The following KCTD9 variants were observed in gnomAD, a reference collection of about 807,000 sequenced individuals.
KCTD9 encodes BTB/POZ domain-containing protein KCTD9.
In KCTD9, 17 loss-of-function variants were observed where a neutral mutation model predicts 53.3. The observed-to-expected ratio is 0.32, with a 90% CI of 0.22 to 0.48. The LOEUF is 0.48. Ranked by LOEUF, KCTD9 falls within the 20% of genes least tolerant of loss-of-function variation. The pLI is 0.99. For missense variants in KCTD9, 179 were observed against 465.5 expected (o/e 0.38, Z 5.66); for synonymous variants, 128 against 162.7 (o/e 0.79, Z 1.62).
chr8:25,452,858 T>C (rs1802353558), intron 1 of KCTD9, among the ~76,000 whole-genome samples: 1 of 152,184 alleles, frequency 6.6e-6, no homozygotes, highest in South Asian at 2.1e-4. Flanking sequence ...TGGAAGAGAA[T>C]TATATTGAAC....
At chr8:25,432,409 C>T in intron 11 of KCTD9, 95 bp downstream of exon 11, 1 of 1,085,858 alleles carries the variant, frequency 9.2e-7, no homozygotes, top group South Asian at 1.4e-5. Flanking sequence ...TCCAGTTTTA[C>T]CAGCCAACTA....
intron 11 of KCTD9, among the ~76,000 whole-genome samples, chr8:25,431,996 A>G (rs1801939686): frequency 1.3e-5 from 2 of 152,242 alleles, no homozygotes; most frequent in Admixed American, 1.3e-4. Context: ...ACAGATATAG[A>G]ACATGTCCCT....
At chr8:25,446,017 C>G (rs1802208361) in intron 2 of KCTD9, 112 bp downstream of exon 2, 1 of 1,390,852 alleles carries the variant, frequency 7.2e-7, no homozygotes, top group Non-Finnish European at 9.7e-7. Flanking sequence ...TAGGTAAACA[C>G]TTGCCAAAAT....
At chr8:25,457,262 AT>A in intron 1 of KCTD9, 11 of 588,624 alleles carry the variant, frequency 1.9e-5, no homozygotes, top group Non-Finnish European at 2.4e-5. Context: ...GCAGCAGAGT[AT>A]TTTGGCAACC....
At chr8:25,443,313 A>G (rs1252384087) in intron 3 of KCTD9, among the ~76,000 whole-genome samples, 1 of 152,182 alleles carries the variant, frequency 6.6e-6, no homozygotes, top group Non-Finnish European at 1.5e-5. Context: ...GATGAACACC[A>G]GTTATTCCAG....
At chr8:25,444,112 G>A (rs564285367) in intron 3 of KCTD9, among the ~76,000 whole-genome samples, 180 bp downstream of exon 3, 1 of 151,956 alleles carries the variant, frequency 6.6e-6, no homozygotes, top group Non-Finnish European at 1.5e-5. Flanking sequence ...AATAAACTAC[G>A]ATCATATAGT....
At chr8:25,437,594 C>T (rs536804784) in intron 6 of KCTD9, among the ~76,000 whole-genome samples, 55 of 152,102 alleles carry the variant, frequency 3.6e-4, no homozygotes, top group African/African-American at 1.2e-3. Context: ...AGGAGAATGG[C>T]GTGAATCCAG....
chr8:25,458,339 C>G lies in KCTD9; in HGVS notation c.-93G>C. 1 of 1,445,330 alleles carries G rather than the reference C, an allele frequency of 6.9e-7. No homozygotes were observed. Among genetic ancestry groups the G allele is most frequent in the Non-Finnish European group, 9.6e-7 (1 of 1,038,804 alleles). The allele number at this position is 1,445,330 out of a possible 1,614,324, so 89.5% of individuals were successfully genotyped here. A position where few individuals can be genotyped will look rare whatever the true frequency, so the allele number is the denominator to read the frequency against. On this transcript the variant is annotated 5_prime_UTR_variant, in exon 1 of 12. Coordinates refer to ENST00000221200, the MANE Select transcript of KCTD9 (RefSeq NM_017634.4). ...TCCTCCCGCCCTTCCCCTCCCTCCA[C>G]CCACTCGGATTCGCCTCCCTTCGCC...
intron 9 of KCTD9, 123 bp downstream of exon 9, chr8:25,435,240 A>C (rs1801996355): frequency 1.6e-6 from 1 of 607,874 alleles, no homozygotes; most frequent in Non-Finnish European, 2.6e-6. Context: ...AACATAATAA[A>C]TTATCTGTTT....
chr8:25,445,998 A>G lies in KCTD9; in HGVS notation c.170+131T>C, dbSNP rs993556500. ...AGCCCAAATGATTTAAATTCCAAAG[A>G]GCAAATTCTAGGTAAACACTTGCCA... is the stretch of plus-strand genomic sequence containing the variant. On this transcript the variant is annotated intron_variant, in intron 2 of 11. Coordinates refer to ENST00000221200, the MANE Select transcript of KCTD9 (RefSeq NM_017634.4). 5 of 1,162,446 alleles carry G rather than the reference A, an allele frequency of 4.3e-6. No individual in the cohort carries two copies. The African/African-American group carries it at 6.2e-5, about 15-fold the overall frequency. The allele number at this position is 1,162,446 out of a possible 1,614,324, so 72.0% of individuals were successfully genotyped here.
At chr8:25,457,248 G>A in intron 1 of KCTD9, 1 of 407,428 alleles carries the variant, frequency 2.5e-6, no homozygotes, top group Non-Finnish European at 3.3e-6. Context: ...CCCCGAATGT[G>A]CAGGCAGCAG....
At chr8:25,445,206 T>A (rs994469346) in intron 2 of KCTD9, among the ~76,000 whole-genome samples, 2 of 152,160 alleles carry the variant, frequency 1.3e-5, no homozygotes, top group Non-Finnish European at 2.9e-5. Flanking sequence ...CCATGCCAGT[T>A]TACTTTTTCA....
intron 1 of KCTD9, among the ~76,000 whole-genome samples, chr8:25,454,563 A>C (rs551453137): frequency 7.2e-5 from 11 of 152,382 alleles, no homozygotes; most frequent in Non-Finnish European, 1.6e-4. Context: ...TATTAAAAAG[A>C]ATAACGAAAA....
At chr8:25,449,315 G>T (rs117905169) in intron 1 of KCTD9, among the ~76,000 whole-genome samples, 1 of 152,234 alleles carries the variant, frequency 6.6e-6, no homozygotes, top group East Asian at 1.9e-4. Context: ...ATTTACCTCT[G>T]GCTCTTACAT....
intron 1 of KCTD9, chr8:25,450,482 C>T (rs931297706): frequency 2.0e-6 from 2 of 978,286 alleles, no homozygotes; most frequent in Admixed American, 1.2e-4. Context: ...GTCTCTTACA[C>T]TGTCATTAGG....
intron 1 of KCTD9, chr8:25,450,461 T>A: frequency 1.0e-6 from 1 of 983,314 alleles, no homozygotes; most frequent in Non-Finnish European, 1.2e-6. Flanking sequence ...GTGACAGTCA[T>A]ATTCATTTAA....
chr8:25,438,329 T>C (rs184554212), intron 6 of KCTD9, among the ~76,000 whole-genome samples: 2 of 149,592 alleles, frequency 1.3e-5, no homozygotes, highest in Admixed American at 1.3e-4. Context: ...TTGCAATAGG[T>C]ACATGTTCAA....
chr8:25,458,335 T>G lies in KCTD9; in HGVS notation c.-89A>C. 7.9e-7 allele frequency: 1 copy of G among 1,258,364 alleles called. No individual in the cohort carries two copies. Among genetic ancestry groups the G allele is most frequent in the East Asian group, 3.8e-5 (1 of 26,276 alleles). The allele number at this position is 1,258,364 out of a possible 1,614,324, so 77.9% of individuals were successfully genotyped here. A position where few individuals can be genotyped will look rare whatever the true frequency, so the allele number is the denominator to read the frequency against. On this transcript the variant is annotated 5_prime_UTR_variant, in exon 1 of 12. Transcript: ENST00000221200. ...TTTCTCCTCCCGCCCTTCCCCTCCC[T>G]CCACCCACTCGGATTCGCCTCCCTT...
intron 1 of KCTD9, 26 bp from the exon 2 acceptor site, chr8:25,446,276 A>G (rs1802212246): frequency 1.9e-6 from 3 of 1,610,852 alleles, no homozygotes; most frequent in Admixed American, 1.7e-5. Context: ...AATAATATGA[A>G]CAATTTCTTT....
Sources: gnomAD v4.1 joint callset for allele counts (sites outside exome capture counted in the v4.1 genomes callset) on GRCh38, gnomAD v4.1.1 for gene constraint, MANE v1.5 for transcripts, NCBI Gene and HGNC (gene_info 2026-07-23, HGNC 2026-07-21) for gene names.